LRRC4C: variants seen among roughly 807,000 people sequenced by gnomAD.
The protein encoded by LRRC4C is leucine rich repeat containing 4C.
In LRRC4C, 5 loss-of-function variants were observed where a neutral mutation model predicts 33.6. The observed-to-expected ratio is 0.15, with a 90% CI of 0.08 to 0.31. The LOEUF is 0.31. Among genes scored for constraint, LRRC4C ranks in the 10% least tolerant of loss-of-function variants. The pLI is 1.00. For missense variants in LRRC4C, 560 were observed against 796.7 expected (o/e 0.70, Z 3.58); for synonymous variants, 329 against 302.0 (o/e 1.09, Z -0.93).
chr11:41,096,943 A>T (rs1364059164), intron 1 of LRRC4C, among the ~76,000 whole-genome samples: 3 of 152,190 alleles, frequency 2.0e-5, no homozygotes, highest in African/African-American at 7.2e-5. Flanking sequence ...TTTCCAGGTT[A>T]GTTTTATTCT....
At chr11:41,278,724 C>T (rs1056618582) in intron 1 of LRRC4C, among the ~76,000 whole-genome samples, 1 of 152,268 alleles carries the variant, frequency 6.6e-6, no homozygotes, top group Non-Finnish European at 1.5e-5. Context: ...CTCCTGGTGC[C>T]CCACCCAGAT....
rs190555329 is a variant in LRRC4C, at chr11:41,302,919, T to C, written c.-496+156512A>G. Among the ~76,000 whole-genome samples, 638 of 152,308 alleles carry C rather than the reference T, an allele frequency of 4.2e-3. 2 individuals are homozygous for C. Among genetic ancestry groups the C allele is most frequent in the Middle Eastern group, 0.02 (6 of 294 alleles). ...TCCTAAATCTCTGTTTGCAAAATAT[T>C]ATCTCTTTAAAATTAACTACCAATG... On this transcript the variant is annotated intron_variant, in intron 1 of 6. Coordinates refer to ENST00000528697, the MANE Select transcript of LRRC4C (RefSeq NM_001258419.2).
At chr11:41,161,845 A>T (rs998972162) in intron 1 of LRRC4C, among the ~76,000 whole-genome samples, 1 of 152,218 alleles carries the variant, frequency 6.6e-6, no homozygotes, top group Non-Finnish European at 1.5e-5. Context: ...ACCCAACAGG[A>T]CTACCTGAGT....
At chr11:41,271,713 G>A (rs1221424306) in intron 1 of LRRC4C, among the ~76,000 whole-genome samples, 1 of 152,100 alleles carries the variant, frequency 6.6e-6, no homozygotes, top group Admixed American at 6.6e-5. Flanking sequence ...TATGTGTCAT[G>A]AGACCAGGAA....
intron 1 of LRRC4C, among the ~76,000 whole-genome samples, chr11:40,989,498 T>C (rs1051834296): frequency 1.3e-5 from 2 of 152,188 alleles, no homozygotes; most frequent in Admixed American, 6.5e-5. Flanking sequence ...CAGCCCTCAC[T>C]GACGTCTGTG....
chr11:40,649,438 C>G (rs377399939), intron 2 of LRRC4C, among the ~76,000 whole-genome samples: 1 of 152,190 alleles, frequency 6.6e-6, no homozygotes, highest in Non-Finnish European at 1.5e-5. Context: ...AAATATGGCT[C>G]TATTCTGCCC....
chr11:40,740,166 G>A (rs927935733), intron 2 of LRRC4C, among the ~76,000 whole-genome samples: 5 of 151,656 alleles, frequency 3.3e-5, no homozygotes, highest in Non-Finnish European at 5.9e-5. Context: ...TATTTCCTTT[G>A]GATATATACC....
intron 1 of LRRC4C, among the ~76,000 whole-genome samples, chr11:40,990,231 T>TATA (rs1555030574): frequency 1.3e-5 from 1 of 78,226 alleles, no homozygotes; most frequent in African/African-American, 4.4e-5. Context: ...ATGTCAAGTT[T>TATA]TATATATATA....
chr11:41,089,178 T>G (rs933961263), intron 1 of LRRC4C, among the ~76,000 whole-genome samples: 1 of 152,072 alleles, frequency 6.6e-6, no homozygotes, highest in Non-Finnish European at 1.5e-5. Flanking sequence ...TAACAGAGTT[T>G]CTTGTTCACT....
chr11:40,219,131 C>T (rs1864219271), intron 5 of LRRC4C, among the ~76,000 whole-genome samples: 1 of 152,168 alleles, frequency 6.6e-6, no homozygotes, highest in Non-Finnish European at 1.5e-5. Flanking sequence ...ATGCGGTAGC[C>T]ACTAGCCCCA....
At chr11:40,174,540 G>A (rs1860312321) in intron 5 of LRRC4C, among the ~76,000 whole-genome samples, 1 of 152,134 alleles carries the variant, frequency 6.6e-6, no homozygotes, top group Non-Finnish European at 1.5e-5. Flanking sequence ...TCAGTACCGT[G>A]TGTGCACCTG....
chr11:41,101,225 A>T (rs1475505974), intron 1 of LRRC4C, among the ~76,000 whole-genome samples: 2 of 152,218 alleles, frequency 1.3e-5, no homozygotes, highest in African/African-American at 4.8e-5. Context: ...CCACCTACAG[A>T]GTAGAAGAAA....
intron 2 of LRRC4C, among the ~76,000 whole-genome samples, chr11:40,850,969 C>G (rs1307776974): frequency 6.6e-6 from 1 of 152,080 alleles, no homozygotes; most frequent in Admixed American, 6.5e-5. Context: ...TAATGGCAGA[C>G]CCACCTCCCC....
chr11:40,518,674 T>C (rs1013357438), intron 3 of LRRC4C, among the ~76,000 whole-genome samples: 1 of 152,176 alleles, frequency 6.6e-6, no homozygotes, highest in Non-Finnish European at 1.5e-5. Flanking sequence ...AGTTCAACCA[T>C]TGTGGAAGAC....
intron 1 of LRRC4C, among the ~76,000 whole-genome samples, chr11:41,191,271 T>A (rs1247640339): frequency 1.3e-5 from 2 of 152,192 alleles, no homozygotes; most frequent in African/African-American, 4.8e-5. Context: ...TGAGCAAAGA[T>A]AATCTACATC....
At position 40,150,309 on chromosome 11, in the gene LRRC4C, C is replaced by T. The variant is rs115195604; in HGVS notation, c.-95-9456G>A. Reference sequence around the variant, plus strand: ...TAAGGTCACATCTGGCTTCTGGGGGCTAGTATGTAGATTTTTTGTGTAAAA... The same window carrying T: ...TAAGGTCACATCTGGCTTCTGGGGGTTAGTATGTAGATTTTTTGTGTAAAA... On this transcript the variant is annotated intron_variant, in intron 5 of 6. Transcript: ENST00000528697. 3.9e-3 allele frequency among the ~76,000 whole-genome samples: 593 copies of T among 152,300 alleles called. 5 individuals carry two copies. Among genetic ancestry groups the T allele is most frequent in the African/African-American group, 0.014 (567 of 41,544 alleles).
chr11:40,139,977 C>T (rs1196082415), intron 6 of LRRC4C, among the ~76,000 whole-genome samples: 1 of 152,090 alleles, frequency 6.6e-6, no homozygotes, highest in African/African-American at 2.4e-5. Context: ...CTCATTTATA[C>T]CTTTGTTCTT....
chr11:40,693,635 TA>T (rs1945333766), intron 2 of LRRC4C, among the ~76,000 whole-genome samples: 1 of 152,062 alleles, frequency 6.6e-6, no homozygotes, highest in Non-Finnish European at 1.5e-5. Flanking sequence ...GTGAGCCAGA[TA>T]AACAAGACTC....
intron 3 of LRRC4C, among the ~76,000 whole-genome samples, chr11:40,439,969 T>A (rs1951317923): frequency 1.3e-5 from 2 of 152,238 alleles, no homozygotes; most frequent in Admixed American, 6.5e-5. Flanking sequence ...TTTGTTTGAA[T>A]GCAACCACCC....
Sources: gnomAD v4.1 joint callset for allele counts (sites outside exome capture counted in the v4.1 genomes callset) on GRCh38, gnomAD v4.1.1 for gene constraint, MANE v1.5 for transcripts, NCBI Gene and HGNC (gene_info 2026-07-23, HGNC 2026-07-21) for gene names.